Variants in CHRNE observed in about 807,000 individuals in gnomAD.
CHRNE encodes the protein acetylcholine receptor subunit epsilon.
Under a neutral mutation model 56.5 loss-of-function variants are expected in CHRNE, and 58 were observed. That is an observed-to-expected ratio of 1.03 (90% CI 0.83 to 1.28). The LOEUF (loss-of-function observed/expected upper bound fraction) is 1.28, where lower values mean the gene tolerates loss of function less well. Ranked by LOEUF, CHRNE falls within the 50% of genes most tolerant of loss-of-function variation. CHRNE has a pLI of 0.00. For synonymous variants in CHRNE, 385 were observed against 297.9 expected (o/e 1.29, Z -3.01); for missense variants, 793 against 688.9 (o/e 1.15, Z -1.69).
rs753397420 is a variant in CHRNE at position 4,899,266 on chromosome 17, A to C, written c.1151T>G (p.Leu384Arg). 1 of 1,603,196 alleles carries C rather than the reference A, an allele frequency of 6.2e-7. No individual in the cohort carries two copies. The highest frequency in any genetic ancestry group is 2.2e-5 in the East Asian group (1 of 44,608). Reference sequence around the variant, plus strand: ...CTCGCTCCGTGGCTTTTTCAGTATCAGCTCCTCCGCGCGGAGCAATAAGCC... The same window carrying C: ...CTCGCTCCGTGGCTTTTTCAGTATCCGCTCCTCCGCGCGGAGCAATAAGCC... ...SVGLLLRAEE[L>R]ILKKPRSELV... The change falls in exon 10 of 12, where the codon CTG becomes CGG. Residue 384 changes from leucine (L) to arginine (R), a missense_variant. Physicochemically the swap from Leu to Arg is moderately radical, Grantham distance 102 (BLOSUM62 -2). Transcript: ENST00000649488.
chr17:4,898,972 G>C, intron 11 of CHRNE, 29 bp downstream of exon 11: 1 of 1,274,184 alleles, frequency 7.8e-7, no homozygotes, highest in African/African-American at 1.4e-5. Flanking sequence ...CCTCTGCCTC[G>C]CTCCACCCGC....
rs2151093968 is a variant in CHRNE at position 4,899,046 on chromosome 17, C to T, written c.1281G>A (p.Val427=). Residue 427 remains valine, a synonymous_variant, in exon 11 of 12, where the codon GTG becomes GTA. Transcript: ENST00000649488. ...CTCTCGTGCTCTCGGCCACGAAGTT[C>T]ACGGCATCCACACAGCAGCGGACCT... ...APEVRCCVDA[V]NFVAESTRDQ... is the part of the protein sequence containing the mutation. 6.2e-7 allele frequency: 1 copy of T among 1,611,672 alleles called. No individual in the cohort carries two copies. Among genetic ancestry groups the T allele is most frequent in the Non-Finnish European group, 8.5e-7 (1 of 1,179,574 alleles).
chr17:4,905,843 AG>A (rs1202163080), upstream of CHRNE, among the ~76,000 whole-genome samples: 5 of 152,328 alleles, frequency 3.3e-5, no homozygotes, highest in African/African-American at 1.2e-4. Flanking sequence ...CCCGGGTGAC[AG>A]AGTGAGACTC....
chr17:4,902,250 A>G lies in CHRNE; in HGVS notation c.311T>C (p.Leu104Pro), dbSNP rs772495418. ...CAGCACAATCTCTGGCAGCCACACG[A>G]GTTCTGAAGGGACTCGCAGGGTTTC... ...GIETLRVPSE[L>P]VWLPEIVLEN... is the part of the protein sequence containing the mutation. The change falls in exon 4 of 12, where the codon CTC becomes CCC. Residue 104 changes from leucine (L) to proline (P), a missense_variant. Coordinates refer to ENST00000649488, the MANE Select transcript of CHRNE (RefSeq NM_000080.4). This position sits in a 1 kb window ranked among gnomAD's most constrained non-coding sequence, Gnocchi z 4.0. 2.2e-5 allele frequency: 36 copies of G among 1,613,896 alleles called. No individual in the cohort carries two copies. The highest frequency in any genetic ancestry group is 3.0e-5 in the Non-Finnish European group (35 of 1,180,004).
chr17:4,898,367 C>T lies in CHRNE; in HGVS notation c.*369G>A, dbSNP rs1392862278. 3.0e-6 allele frequency: 1 copy of T among 338,324 alleles called. No individual in the cohort carries two copies. Among genetic ancestry groups the T allele is most frequent in the Non-Finnish European group, 5.7e-6 (1 of 174,176 alleles). The allele number at this position is 338,324 out of a possible 1,614,324, so 21.0% of individuals were successfully genotyped here. A position where few individuals can be genotyped will look rare whatever the true frequency, so the allele number is the denominator to read the frequency against. ...GCTACAGCCTCCCTGTGTGCAAGTC[C>T]TGCAAAGGGGTCTCCTGTTTGGCTA... is the stretch of plus-strand genomic sequence containing the variant. On this transcript the variant is annotated 3_prime_UTR_variant, in exon 12 of 12. Coordinates refer to ENST00000649488, the MANE Select transcript of CHRNE (RefSeq NM_000080.4).
At chr17:4,904,490 T>C (rs942787006), upstream of CHRNE, among the ~76,000 whole-genome samples, 1 of 152,150 alleles carries the variant, frequency 6.6e-6, no homozygotes. Context: ...GAATCTGTAT[T>C]TTTAGGAAAC....
In CHRNE at chr17:4,898,704, G is replaced by T. The variant is rs756806532; in HGVS notation, c.*32C>A. 1 of 1,601,306 alleles carries T rather than the reference G, an allele frequency of 6.2e-7. No individual in the cohort carries two copies. The highest frequency in any genetic ancestry group is 8.5e-7 in the Non-Finnish European group (1 of 1,175,104). On this transcript the variant is annotated 3_prime_UTR_variant, in exon 12 of 12. Transcript: ENST00000649488. ...ACTTTTTCAAAATCAATTTCCTACT[G>T]GAGATGGGTGGGAAATTGAAGTCGG...
chr17:4,900,612 C>T (rs1312564436), intron 8 of CHRNE, 181 bp downstream of exon 8: 3 of 1,523,312 alleles, frequency 2.0e-6, no homozygotes, highest in South Asian at 1.2e-5. Context: ...CTCCAGGTGA[C>T]GTCCAGCAGC....
upstream of CHRNE, chr17:4,903,200 G>C: frequency 1.2e-6 from 1 of 867,364 alleles, no homozygotes; most frequent in South Asian, 1.4e-5. Context: ...GCTCACCCCT[G>C]CTGCAGCTGG....
chr17:4,905,792 C>T (rs1181628248), upstream of CHRNE, among the ~76,000 whole-genome samples: 5 of 151,330 alleles, frequency 3.3e-5, no homozygotes, highest in Admixed American at 6.6e-5. Flanking sequence ...ACCTGGGAGA[C>T]GGAGGTTGCA....
Position 4,900,843 on chromosome 17 carries a change from G to A in CHRNE, c.867C>T (p.Leu289=), listed in dbSNP as rs763590279. The stretch of plus-strand genomic sequence containing the variant: ...AAGTCTCTGGGATTTTCTGGGCAAT[G>A]AGGAACAAGAAGACGGTCTGGGCGA... ...VLLAQTVFLF[L]IAQKIPETSL... Residue 289 remains leucine (L), a synonymous_variant, in exon 8 of 12, where the codon CTC becomes CTT. Coordinates refer to ENST00000649488, the MANE Select transcript of CHRNE (RefSeq NM_000080.4). 1.2e-6 allele frequency: 2 copies of A among 1,614,206 alleles called. No homozygotes were observed. Among genetic ancestry groups the A allele is most frequent in the East Asian group, 4.5e-5 (2 of 44,884 alleles).
chr17:4,905,647 G>C (rs1970083669), upstream of CHRNE, among the ~76,000 whole-genome samples: 1 of 151,986 alleles, frequency 6.6e-6, no homozygotes, highest in Non-Finnish European at 1.5e-5. Flanking sequence ...GACCACCTGA[G>C]GTCAAGAGTT....
In CHRNE at chr17:4,897,937, C is replaced by G. The variant is rs1009860660; in HGVS notation, c.*799G>C. ...CAGGGAGCCCTCACTCTCCACGCCC[C>G]TTGCTTGCATCTGTATATAGTGTGA... is the stretch of plus-strand genomic sequence containing the variant. On this transcript the variant is annotated 3_prime_UTR_variant, in exon 12 of 12. Transcript: ENST00000649488. 1 of 152,260 alleles carries G rather than the reference C, an allele frequency of 6.6e-6. No homozygotes were observed. Among genetic ancestry groups the G allele is most frequent in the Admixed American group, 6.6e-5 (1 of 15,260 alleles). 9.4% of individuals were successfully genotyped at this position (152,260 alleles called of 1,614,324 possible).
upstream of CHRNE, among the ~76,000 whole-genome samples, chr17:4,903,824 GA>G (rs1261125248): frequency 6.6e-6 from 1 of 152,056 alleles, no homozygotes; most frequent in East Asian, 1.9e-4. Context: ...ACACACACCT[GA>G]TGACACCTTA....
chr17:4,900,456 T>C, intron 8 of CHRNE: 2 of 1,551,034 alleles, frequency 1.3e-6, no homozygotes, highest in South Asian at 1.2e-5. Flanking sequence ...GTCTGCCTCA[T>C]TCCTGCGACA....
rs202198207 is a variant in CHRNE at position 4,903,058 on chromosome 17, T to C, written c.6A>G (p.Ala2=). 177 of 1,613,928 alleles carry C rather than the reference T, an allele frequency of 1.1e-4. 2 individuals are homozygous for C. In the East Asian group the frequency reaches 3.3e-3, roughly 30 times the overall value. The change falls in exon 1 of 12, where the codon GCA becomes GCG. Residue 2 remains alanine, a synonymous_variant. Transcript: ENST00000649488. ...GGAGCAGGACCCCAAGCGGAGCCCTTGCCATCCTGCTGCGTGGTTCTCAGG... is the reference window on the plus strand; with the variant it reads ...GGAGCAGGACCCCAAGCGGAGCCCTCGCCATCCTGCTGCGTGGTTCTCAGG... The part of the protein sequence containing the change: M[A]RAPLGVLLLL...
At position 4,901,773 on chromosome 17, in the gene CHRNE, T is replaced by C. The variant is rs1969994381; in HGVS notation, c.501-148A>G. ...CAGCCCGCACGCCTCTGTTCCCATC[T>C]GTACCTCCGGCCGCGCTGGAGCGTC... On this transcript the variant is annotated intron_variant, in intron 5 of 11. Transcript: ENST00000649488. 14 of 1,260,716 alleles carry C rather than the reference T, an allele frequency of 1.1e-5. No individual in the cohort carries two copies. In the East Asian group the frequency reaches 3.4e-4, roughly 30 times the overall value. 78.1% of individuals were successfully genotyped at this position (1,260,716 alleles called of 1,614,324 possible).
chr17:4,901,027 C>G lies in CHRNE; in HGVS notation c.765G>C (p.Ser255=), dbSNP rs767945817. 2 of 1,614,000 alleles carry G rather than the reference C, an allele frequency of 1.2e-6. No individual in the cohort carries two copies. The highest frequency in any genetic ancestry group is 8.5e-7 in the Non-Finnish European group (1 of 1,179,942). Residue 255 remains serine (S), a synonymous_variant, in exon 7 of 12, where the codon TCG becomes TCC. Coordinates refer to ENST00000649488, the MANE Select transcript of CHRNE (RefSeq NM_000080.4). ...INIIVPCVLI[S]GLVLLAYFLP... is the part of the protein sequence containing the mutation. ...GGAAGTAGGCGAGCAGCACCAGGCC[C>G]GAGATGAGCACACAGGGCACGATGA...
rs1375026570 is a variant in CHRNE, at chr17:4,898,122, G to C, written c.*614C>G. 8 of 163,258 alleles carry C rather than the reference G, an allele frequency of 4.9e-5. No homozygotes were observed. The highest frequency in any genetic ancestry group is 1.4e-5 in the Non-Finnish European group (1 of 73,800). 10.1% of individuals were successfully genotyped at this position (163,258 alleles called of 1,614,324 possible). A position where few individuals can be genotyped will look rare whatever the true frequency, so the allele number is the denominator to read the frequency against. ...TAGACTAGGCAGAGAGAGCCTCCAG[G>C]GTGGGGAAGAAAGGGGCAGGGTGGG... On this transcript the variant is annotated 3_prime_UTR_variant, in exon 12 of 12. Coordinates refer to ENST00000649488, the MANE Select transcript of CHRNE (RefSeq NM_000080.4).
Sources: gnomAD v4.1 joint callset for allele counts (sites outside exome capture counted in the v4.1 genomes callset) on GRCh38, gnomAD v4.1.1 for gene constraint, Gnocchi (gnomAD v3.1) non-coding constraint, MANE v1.5 for transcripts, NCBI Gene and HGNC (gene_info 2026-07-23, HGNC 2026-07-21) for gene names.